Variants in DOCK10 observed in about 807,000 individuals in gnomAD.
DOCK10 encodes dedicator of cytokinesis protein 10.
Under a neutral mutation model 280.1 loss-of-function variants are expected in DOCK10, and 145 were observed. That is an observed-to-expected ratio of 0.52 (90% CI 0.45 to 0.59). The LOEUF is 0.59. Among genes scored for constraint, DOCK10 ranks in the 20% least tolerant of loss-of-function variants. The probability of loss-of-function intolerance (pLI) is 0.00; values close to 1 mark genes in which losing one functional copy is unlikely to be tolerated. For synonymous variants in DOCK10, 915 were observed against 942.2 expected, an observed-to-expected ratio of 0.97 and a Z score of 0.53; for missense variants, 2,368 against 2,651.7, an observed-to-expected ratio of 0.89 and a Z score of 2.35.
At chr2:224,842,113 T>C (rs1696004313) in intron 22 of DOCK10, among the ~76,000 whole-genome samples, 1 of 152,196 alleles carries the variant, frequency 6.6e-6, no homozygotes, top group Non-Finnish European at 1.5e-5. Flanking sequence ...TTCTATTTCA[T>C]TCTAAGAGGT....
chr2:224,968,359 C>G (rs906924379), intron 1 of DOCK10, among the ~76,000 whole-genome samples: 10 of 152,256 alleles, frequency 6.6e-5, no homozygotes, highest in African/African-American at 2.4e-4. Flanking sequence ...AAAGACAATC[C>G]CAGGCAGGGC....
At chr2:224,999,249 TC>T (rs1559941999) in intron 1 of DOCK10, among the ~76,000 whole-genome samples, 17 of 112,994 alleles carry the variant, frequency 1.5e-4, no homozygotes, top group African/African-American at 1.0e-3. Flanking sequence ...TGTCTCTCTC[TC>T]TTTTTTTTTT....
intron 1 of DOCK10, among the ~76,000 whole-genome samples, chr2:225,011,781 CA>C (rs1689446070): frequency 6.6e-6 from 1 of 152,102 alleles, no homozygotes; most frequent in Admixed American, 6.6e-5. Flanking sequence ...TATAAAATGG[CA>C]CCCAAAATGT....
At chr2:225,005,099 C>T (rs557085784) in intron 1 of DOCK10, among the ~76,000 whole-genome samples, 59 of 152,296 alleles carry the variant, frequency 3.9e-4, no homozygotes, top group African/African-American at 1.4e-3. Flanking sequence ...AATGAGACCT[C>T]ATGTTCTCTT....
intron 7 of DOCK10, among the ~76,000 whole-genome samples, chr2:224,877,502 C>CTATTGTAATAGGTT (rs1169851185): frequency 6.7e-6 from 1 of 150,300 alleles, no homozygotes; most frequent in Admixed American, 6.6e-5. Context: ...GGTTCCTATT[C>CTATTGTAATAGGTT]CAAGTTGACA....
chr2:224,835,232 T>C (rs1303336590), intron 25 of DOCK10, among the ~76,000 whole-genome samples: 2 of 152,252 alleles, frequency 1.3e-5, no homozygotes, highest in African/African-American at 4.8e-5. Context: ...TTCCCTCTCA[T>C]GGGTTATACC....
chr2:224,795,918 A>G (rs916218870), intron 44 of DOCK10, among the ~76,000 whole-genome samples: 1 of 152,196 alleles, frequency 6.6e-6, no homozygotes, highest in African/African-American at 2.4e-5. Context: ...TCAACCACAC[A>G]TATTGGGAAT....
At chr2:224,855,064 GACACACACACAC>G (rs60658292) in intron 15 of DOCK10, 22 bp from the exon 16 acceptor site, 394 of 575,466 alleles carry the variant, frequency 6.8e-4, no homozygotes, top group Admixed American at 1.4e-3. Context: ...CATGAGCAAG[GACACACACACAC>G]ACACACACAC....
chr2:224,999,475 CTTCCT>C, intron 1 of DOCK10, among the ~76,000 whole-genome samples: 1 of 151,758 alleles, frequency 6.6e-6, no homozygotes. Flanking sequence ...GCCTCCCTCC[CTTCCT>C]GCCTCCCTCC....
chr2:225,041,985 C>T (rs1690442374), intron 1 of DOCK10, among the ~76,000 whole-genome samples: 2 of 152,264 alleles, frequency 1.3e-5, no homozygotes, highest in South Asian at 4.1e-4. Context: ...TGCACATCCT[C>T]TCCCACGCTG....
rs781303508 is a variant in DOCK10 at position 224,865,085 on chromosome 2, A to T, written c.1260T>A (p.Ile420=). The part of the protein sequence containing the change: ...TENENDPITN[I]EPFFVSVALY... ...GTGCCACACTCACAAAAAAAGGCTC[A>T]ATCTGCATGAAAAAGAAAGAACAGA... Residue 420 remains isoleucine (I), a splice_region_variant and synonymous_variant, in exon 12 of 56, where the codon ATT becomes ATA. Transcript: ENST00000258390. 1.2e-6 allele frequency: 2 copies of T among 1,613,022 alleles called. No homozygotes were observed. The highest frequency in any genetic ancestry group is 8.5e-7 in the Non-Finnish European group (1 of 1,179,624).
rs1239729089 is a variant in DOCK10, at chr2:224,855,060, C to G, written c.1809-18G>C. On this transcript the variant is annotated intron_variant, in intron 15 of 55. Transcript: ENST00000258390. ...TGTCGGCCCTGTAAGAGTGCATGAG[C>G]AAGGACACACACACACACACACACA... 4.2e-6 allele frequency: 5 copies of G among 1,195,960 alleles called. No homozygotes were observed. The highest frequency in any genetic ancestry group is 5.9e-6 in the Non-Finnish European group (5 of 840,762). 74.1% of individuals were successfully genotyped at this position (1,195,960 alleles called of 1,614,324 possible). A position where few individuals can be genotyped will look rare whatever the true frequency, so the allele number is the denominator to read the frequency against.
At chr2:225,032,566 A>C (rs966461252) in intron 1 of DOCK10, among the ~76,000 whole-genome samples, 3 of 152,242 alleles carry the variant, frequency 2.0e-5, no homozygotes, top group African/African-American at 7.2e-5. Context: ...TCCAATTTTT[A>C]AACAACATAA....
chr2:225,004,543 T>C (rs541962249), intron 1 of DOCK10, among the ~76,000 whole-genome samples: 2 of 152,308 alleles, frequency 1.3e-5, no homozygotes, highest in East Asian at 3.9e-4. Flanking sequence ...ATCCTTATTT[T>C]GAAGTTGAGA....
At chr2:224,984,816 T>C (rs536604226) in intron 1 of DOCK10, among the ~76,000 whole-genome samples, 1 of 151,596 alleles carries the variant, frequency 6.6e-6, no homozygotes, top group Non-Finnish European at 1.5e-5. Flanking sequence ...GAGGCCATGT[T>C]TCTGTCATAT....
intron 1 of DOCK10, among the ~76,000 whole-genome samples, chr2:225,018,802 T>C (rs1338545314): frequency 7.0e-6 from 1 of 143,126 alleles, no homozygotes; most frequent in East Asian, 1.9e-4. Flanking sequence ...TGTAAATATA[T>C]ATACAGATAT....
chr2:224,821,472 C>T (rs1694500002), intron 28 of DOCK10, among the ~76,000 whole-genome samples: 1 of 152,190 alleles, frequency 6.6e-6, no homozygotes, highest in Non-Finnish European at 1.5e-5. Flanking sequence ...TGGAATTGCA[C>T]CAAATGACTA....
At chr2:224,812,212 A>C (rs1245492444) in intron 31 of DOCK10, among the ~76,000 whole-genome samples, 1 of 152,044 alleles carries the variant, frequency 6.6e-6, no homozygotes, top group Non-Finnish European at 1.5e-5. Flanking sequence ...ATCCCTTGTA[A>C]GTTTGATTCC....
chr2:224,942,485 T>G (rs1176018872), intron 1 of DOCK10, among the ~76,000 whole-genome samples: 1 of 152,230 alleles, frequency 6.6e-6, no homozygotes, highest in Non-Finnish European at 1.5e-5. Flanking sequence ...TCCTGGCTCC[T>G]GGAACCCCAT....
Sources: gnomAD v4.1 joint callset for allele counts (sites outside exome capture counted in the v4.1 genomes callset) on GRCh38, gnomAD v4.1.1 for gene constraint, MANE v1.5 for transcripts, NCBI Gene and HGNC (gene_info 2026-07-23, HGNC 2026-07-21) for gene names.